The following GTF2E2 variants were observed in gnomAD, a reference collection of about 807,000 sequenced individuals.
The protein encoded by GTF2E2 is transcription initiation factor IIE subunit beta.
A neutral mutation model predicts 40.5 loss-of-function variants in GTF2E2; 21 were observed. That is an observed-to-expected ratio of 0.52 (90% CI 0.37 to 0.75). The LOEUF (loss-of-function observed/expected upper bound fraction) is 0.75. GTF2E2 is among the 30% of genes least tolerant of loss of function. The pLI, the probability that GTF2E2 is intolerant of heterozygous loss-of-function variation, is 0.00. For missense variants in GTF2E2, 298 were observed against 338.4 expected, an observed-to-expected ratio of 0.88 and a Z score of 0.94; for synonymous variants, 117 against 121.6, an observed-to-expected ratio of 0.96 and a Z score of 0.25.
chr8:30,585,855 T>A (rs951946306), intron 6 of GTF2E2, among the ~76,000 whole-genome samples: 2 of 110,718 alleles, frequency 1.8e-5, no homozygotes, highest in Non-Finnish European at 3.5e-5. Context: ...GAGATGGAGG[T>A]GGGAGGACTG....
Position 30,609,999 on chromosome 8 carries a change from G to A in GTF2E2, c.549+2300C>T, listed in dbSNP as rs139794073. ...CTTCCTGGAGAGCCTGCAGAACTGT[G>A]AGCCAAATCAATCTCTTTTCTTTAT... On this transcript the variant is annotated intron_variant, in intron 5 of 7. Transcript: ENST00000355904. Among the ~76,000 whole-genome samples the A allele has an allele frequency of 1.8e-4, 28 of 152,238 alleles. No homozygotes were observed. In the East Asian group the frequency reaches 5.0e-3, roughly 27 times the overall value.
chr8:30,609,083 T>C lies in GTF2E2; in HGVS notation c.550-1933A>G, dbSNP rs562132864. Among the ~76,000 whole-genome samples, 405 of 152,134 alleles carry C rather than the reference T, an allele frequency of 2.7e-3. 2 individuals are homozygous for C. The South Asian group carries it at 0.028, about 10-fold the overall frequency. ...AGTTTTGAGACCAGCCTGGTCAACATGGTGAAACCCCATCTCTACTAAAAA... is the reference window on the plus strand; with the variant it reads ...AGTTTTGAGACCAGCCTGGTCAACACGGTGAAACCCCATCTCTACTAAAAA... On this transcript the variant is annotated intron_variant, in intron 5 of 7. Transcript: ENST00000355904.
At chr8:30,598,525 CTCT>C (rs1029887661) in intron 6 of GTF2E2, among the ~76,000 whole-genome samples, 7 of 152,174 alleles carry the variant, frequency 4.6e-5, no homozygotes, top group East Asian at 1.9e-4. Context: ...TGAATAAAAA[CTCT>C]TCAATTTTTT....
chr8:30,631,764 G>T (rs1331669562), intron 3 of GTF2E2, among the ~76,000 whole-genome samples: 1 of 152,124 alleles, frequency 6.6e-6, no homozygotes, highest in Middle Eastern at 3.2e-3. Context: ...CCTAATAGCT[G>T]AGATCAGAGA....
At chr8:30,619,145 T>C (rs962250701) in intron 3 of GTF2E2, among the ~76,000 whole-genome samples, 11 of 152,128 alleles carry the variant, frequency 7.2e-5, no homozygotes, top group African/African-American at 2.7e-4. Flanking sequence ...TTTCACCATG[T>C]TGTCCAGGAT....
chr8:30,635,157 T>TCACACATAATATGACG, intron 2 of GTF2E2, 34 bp from the exon 3 acceptor site: 2 of 1,124,454 alleles, frequency 1.8e-6, no homozygotes, highest in Non-Finnish European at 2.7e-6. Context: ...ATCGTCATAT[T>TCACACATAATATGACG]ATGTGTGATT....
intron 3 of GTF2E2, among the ~76,000 whole-genome samples, chr8:30,625,354 G>T (rs62505307): frequency 6.6e-6 from 1 of 151,882 alleles, no homozygotes; most frequent in Admixed American, 6.6e-5. Flanking sequence ...GCATCCCAGG[G>T]TGAAATCTAG....
intron 2 of GTF2E2, 85 bp downstream of exon 2, chr8:30,653,348 C>T (rs1802347625): frequency 6.0e-6 from 6 of 996,846 alleles, no homozygotes; most frequent in Non-Finnish European, 9.2e-6. Context: ...GAGTGCTGAA[C>T]TGAAAAATGA....
At chr8:30,650,846 T>A (rs1802249344) in intron 2 of GTF2E2, among the ~76,000 whole-genome samples, 1 of 152,130 alleles carries the variant, frequency 6.6e-6, no homozygotes, top group Non-Finnish European at 1.5e-5. Context: ...ACCCCATCTC[T>A]ACTAAAAAGA....
At chr8:30,582,554 G>A (rs949813358) in intron 6 of GTF2E2, among the ~76,000 whole-genome samples, 13 of 152,152 alleles carry the variant, frequency 8.5e-5, no homozygotes, top group African/African-American at 1.2e-4. Context: ...CAACTTCACC[G>A]ATGCTCTTTT....
chr8:30,614,706 G>A lies in GTF2E2; in HGVS notation c.268C>T (p.Gln90Ter). ...GTTAGAGGATGCGTATCTCCTCGCT[G>A]ATGCCGTGTCTATCAAGTGAAGAAA... is the stretch of plus-strand genomic sequence containing the variant. ...KIVNYMKTRH[Q>*]RGDTHPLTLD... The change falls in exon 4 of 8, where the codon CAG becomes TAG. Residue 90 changes from glutamine (Q) to a stop codon, truncating the protein, a stop_gained. Transcript: ENST00000355904. LOFTEE classifies it high-confidence loss of function. The A allele has an allele frequency of 1.3e-6, 2 of 1,589,484 alleles. No homozygotes were observed. Among genetic ancestry groups the A allele is most frequent in the Non-Finnish European group, 1.7e-6 (2 of 1,159,288 alleles).
At chr8:30,655,830 C>T (rs1802433254) in intron 1 of GTF2E2, among the ~76,000 whole-genome samples, 1 of 151,622 alleles carries the variant, frequency 6.6e-6, no homozygotes, top group Admixed American at 6.6e-5. Context: ...TTTTTTGAGA[C>T]AGAGTCTCGC....
intron 3 of GTF2E2, among the ~76,000 whole-genome samples, chr8:30,628,756 C>T (rs1220622955): frequency 6.6e-6 from 1 of 152,104 alleles, no homozygotes; most frequent in Non-Finnish European, 1.5e-5. Flanking sequence ...ACGGTGAAAC[C>T]TCATCTCTAC....
At chr8:30,593,444 T>C (rs1454457235) in intron 6 of GTF2E2, among the ~76,000 whole-genome samples, 2 of 152,222 alleles carry the variant, frequency 1.3e-5, no homozygotes, top group Non-Finnish European at 1.5e-5. Flanking sequence ...TATATAGGTA[T>C]TTAGGACTAT....
Position 30,606,978 on chromosome 8 carries a change from A to G in GTF2E2, c.643+79T>C, listed in dbSNP as rs907332055. On this transcript the variant is annotated intron_variant, in intron 6 of 7. Transcript: ENST00000355904. ...AAAGCAATATAAGATTTAAATTATA[A>G]TTGTATTATAAATATTAATTTTACC... The G allele has an allele frequency of 7.3e-5, 39 of 531,498 alleles. No individual in the cohort carries two copies. The South Asian group carries it at 1.0e-3, about 14-fold the overall frequency. The allele number at this position is 531,498 out of a possible 1,614,324, so 32.9% of individuals were successfully genotyped here.
chr8:30,656,349 A>G (rs931538450), intron 1 of GTF2E2, among the ~76,000 whole-genome samples: 3 of 152,342 alleles, frequency 2.0e-5, no homozygotes, highest in African/African-American at 7.2e-5. Context: ...GGAAAGTAGG[A>G]GACAGCCTTG....
intron 2 of GTF2E2, among the ~76,000 whole-genome samples, chr8:30,649,121 A>G (rs1409077645): frequency 6.6e-6 from 1 of 152,188 alleles, no homozygotes; most frequent in Non-Finnish European, 1.5e-5. Context: ...AATTCTATGT[A>G]CATTTCATTG....
At position 30,653,417 on chromosome 8, in the gene GTF2E2, A is replaced by G; in HGVS notation, c.166+16T>C. On this transcript the variant is annotated intron_variant, in intron 2 of 7. Coordinates refer to ENST00000355904, the MANE Select transcript of GTF2E2 (RefSeq NM_002095.6). ...ATCTGAATAAAAACCAAACAGTCCT[A>G]AACAATTTTACTAACCAGAATTTTG... The G allele has an allele frequency of 6.2e-7, 1 of 1,602,088 alleles. No individual in the cohort carries two copies. The highest frequency in any genetic ancestry group is 8.5e-7 in the Non-Finnish European group (1 of 1,171,244).
chr8:30,603,902 T>G (rs922867762), intron 6 of GTF2E2, among the ~76,000 whole-genome samples: 2 of 152,136 alleles, frequency 1.3e-5, no homozygotes, highest in African/African-American at 4.8e-5. Flanking sequence ...GGCCACGCTC[T>G]GAAAAACCGC....
Sources: gnomAD v4.1 joint callset for allele counts (sites outside exome capture counted in the v4.1 genomes callset) on GRCh38, gnomAD v4.1.1 for gene constraint, MANE v1.5 for transcripts, NCBI Gene and HGNC (gene_info 2026-07-23, HGNC 2026-07-21) for gene names.